The following PUDP variants were observed in gnomAD, a reference collection of about 807,000 sequenced individuals.
The protein encoded by PUDP is pseudouridine 5'-phosphatase, also known as pseudouridine-5'-phosphatase.
In PUDP, 8 loss-of-function variants were observed where a neutral mutation model predicts 9.4. That is an observed-to-expected ratio of 0.85 (90% CI 0.50 to 1.53). The LOEUF (loss-of-function observed/expected upper bound fraction) is 1.53. PUDP is among the 40% of genes most tolerant of loss of function. The probability of loss-of-function intolerance (pLI) is 0.00; values close to 1 mark genes in which losing one functional copy is unlikely to be tolerated. For missense variants in PUDP, 188 were observed against 189.7 expected (o/e 0.99, Z 0.05); for synonymous variants, 99 against 80.7 (o/e 1.23, Z -1.22).
chrX:7,047,296 T>A (rs1929995488), downstream of PUDP, among the ~76,000 whole-genome samples: 2 of 112,379 alleles, frequency 1.8e-5, no homozygotes, highest in Admixed American at 9.4e-5. Flanking sequence ...CTAAGTTATG[T>A]TCTTATTCAG....
chrX:6,727,456 T>C (rs1430815388), intron 3 of PUDP, among the ~76,000 whole-genome samples: 2 of 111,845 alleles, frequency 1.8e-5, no homozygotes, highest in Non-Finnish European at 3.8e-5. Flanking sequence ...ATCTAACATG[T>C]TGTTAAGGAT....
chrX:6,798,234 G>C (rs989229422), intron 3 of PUDP, among the ~76,000 whole-genome samples: 1 of 111,862 alleles, frequency 8.9e-6, no homozygotes, highest in African/African-American at 3.3e-5. Context: ...ACAAGAAACA[G>C]AGCTTGTGCA....
At chrX:6,913,633 A>G (rs1451433043) in intron 3 of PUDP, among the ~76,000 whole-genome samples, 1 of 111,769 alleles carries the variant, frequency 8.9e-6, no homozygotes, top group African/African-American at 3.3e-5. Flanking sequence ...TTTTGGAAAT[A>G]TTTTGTCTAA....
intron 3 of PUDP, among the ~76,000 whole-genome samples, chrX:6,882,337 A>G (rs890414697): frequency 4.5e-5 from 5 of 111,870 alleles, no homozygotes; most frequent in Admixed American, 9.5e-5. Context: ...TAAGCACAGG[A>G]AAGTGTTATT....
At chrX:6,731,435 A>C (rs1237236545) in intron 3 of PUDP, among the ~76,000 whole-genome samples, 1 of 111,328 alleles carries the variant, frequency 9.0e-6, no homozygotes, top group Non-Finnish European at 1.9e-5. Flanking sequence ...TGGACTAAAA[A>C]CTGGTGAAAA....
chrX:6,866,863 G>T (rs1214713355), intron 3 of PUDP, among the ~76,000 whole-genome samples: 3 of 111,497 alleles, frequency 2.7e-5, no homozygotes, highest in Non-Finnish European at 5.6e-5. Flanking sequence ...AAATGTCACG[G>T]AAACTTACAG....
intron 3 of PUDP, among the ~76,000 whole-genome samples, chrX:6,941,812 A>G (rs1399140858): frequency 8.9e-6 from 1 of 112,362 alleles, no homozygotes; most frequent in Non-Finnish European, 1.9e-5. Flanking sequence ...GCTAATTAAT[A>G]TATCCATCAA....
intron 3 of PUDP, among the ~76,000 whole-genome samples, chrX:6,760,457 A>T (rs1018681855): frequency 8.9e-6 from 1 of 112,091 alleles, no homozygotes; most frequent in African/African-American, 3.2e-5. Context: ...CTCCGCTCAC[A>T]TTCCTCAGGG....
At chrX:7,117,065 T>A (rs911921868) in intron 1 of PUDP, 1 of 1,163,853 alleles carries the variant, frequency 8.6e-7, no homozygotes. Context: ...TAAACCGTTG[T>A]TCTTCTAAAT....
intron 1 of PUDP, among the ~76,000 whole-genome samples, chrX:7,037,552 C>A (rs1416030738): frequency 8.9e-6 from 1 of 112,086 alleles, no homozygotes; most frequent in Non-Finnish European, 1.9e-5. Flanking sequence ...CACACATAGA[C>A]AGACACCTTC....
At chrX:6,967,566 T>C (rs1928806313) in intron 3 of PUDP, among the ~76,000 whole-genome samples, 1 of 110,793 alleles carries the variant, frequency 9.0e-6, no homozygotes, top group Non-Finnish European at 1.9e-5. Flanking sequence ...ACCAGAGCAA[T>C]CACTAACTCC....
intron 1 of PUDP, among the ~76,000 whole-genome samples, chrX:7,040,640 G>A (rs1380215887): frequency 8.9e-6 from 1 of 112,113 alleles, no homozygotes; most frequent in Non-Finnish European, 1.9e-5. Context: ...CTTGAATTTT[G>A]TAGAATGCAT....
intron 3 of PUDP, among the ~76,000 whole-genome samples, chrX:6,760,091 G>A (rs942062478): frequency 3.6e-5 from 4 of 111,868 alleles, no homozygotes; most frequent in Admixed American, 2.8e-4. Context: ...AGATCCAACT[G>A]CAAGGCAATG....
chrX:7,148,141 G>T lies in PUDP; in HGVS notation c.-28C>A, dbSNP rs1164251545. ...TGGCGCCTTCTGGGTCTGGGTGGGGGCGAGGAGGAAGTGCGCGCGCACCCG... is the reference window on the plus strand; with the variant it reads ...TGGCGCCTTCTGGGTCTGGGTGGGGTCGAGGAGGAAGTGCGCGCGCACCCG... On this transcript the variant is annotated 5_prime_UTR_variant, in exon 1 of 4. Coordinates refer to ENST00000381077, the MANE Select transcript of PUDP (RefSeq NM_012080.5). 21 of 1,067,016 alleles carry T rather than the reference G, an allele frequency of 2.0e-5. No individual in the cohort carries two copies. Among genetic ancestry groups the T allele is most frequent in the Non-Finnish European group, 2.5e-5 (20 of 802,940 alleles). 87.9% of individuals were successfully genotyped at this position (1,067,016 alleles called of 1,213,427 possible). A position where few individuals can be genotyped will look rare whatever the true frequency, so the allele number is the denominator to read the frequency against.
intron 3 of PUDP, among the ~76,000 whole-genome samples, chrX:6,873,763 C>G (rs1927210691): frequency 9.0e-6 from 1 of 111,695 alleles, no homozygotes; most frequent in African/African-American, 3.3e-5. Context: ...ATGGAGCAAC[C>G]AATTTATTCT....
chrX:6,970,499 C>T (rs1928857263), intron 3 of PUDP, among the ~76,000 whole-genome samples: 1 of 111,134 alleles, frequency 9.0e-6, no homozygotes, highest in Admixed American at 9.6e-5. Context: ...TGGGGTAGGA[C>T]CTGGCGGTAC....
intron 3 of PUDP, among the ~76,000 whole-genome samples, chrX:6,757,361 G>A (rs1048015263): frequency 1.8e-5 from 2 of 110,266 alleles, no homozygotes; most frequent in Admixed American, 9.8e-5. Flanking sequence ...GTGCTAGGGA[G>A]AAGAAAGCTG....
At position 7,128,568 on chromosome X, in the gene PUDP, C is replaced by T. The variant is rs749859455; in HGVS notation, c.61+19485G>A. Among the ~76,000 whole-genome samples the T allele has an allele frequency of 1.2e-4, 13 of 111,268 alleles. 1 individual carries two copies. The South Asian group carries it at 4.2e-3, about 36-fold the overall frequency. ...AAAAAGGGCTAGGGACCCAATGGCA[C>T]GGGCGGCAGTCGCTGCCCTGGAGAA... On this transcript the variant is annotated intron_variant, in intron 1 of 3. Transcript: ENST00000381077.
intron 3 of PUDP, among the ~76,000 whole-genome samples, chrX:6,785,633 T>C (rs1335016999): frequency 9.0e-6 from 1 of 111,376 alleles, no homozygotes; most frequent in African/African-American, 3.3e-5. Flanking sequence ...TAATTCCCTT[T>C]TATATAAACT....
Sources: gnomAD v4.1 joint callset for allele counts (sites outside exome capture counted in the v4.1 genomes callset) on GRCh38, gnomAD v4.1.1 for gene constraint, MANE v1.5 for transcripts, NCBI Gene and HGNC (gene_info 2026-07-23, HGNC 2026-07-21) for gene names.